TENM4: variants seen among roughly 807,000 people sequenced by gnomAD.
The protein encoded by TENM4 is teneurin transmembrane protein 4.
A neutral mutation model predicts 243.3 loss-of-function variants in TENM4; 82 were observed. The observed-to-expected ratio is 0.34, with a 90% confidence interval of 0.28 to 0.40. The LOEUF (loss-of-function observed/expected upper bound fraction) is 0.40, where lower values mean the gene tolerates loss of function less well. Among genes scored for constraint, TENM4 ranks in the 10% least tolerant of loss-of-function variants. The pLI is 1.00. For synonymous variants in TENM4, 1,412 were observed against 1,456.3 expected (o/e 0.97, Z 0.69); for missense variants, 3,138 against 3,673.3 (o/e 0.85, Z 3.77).
intron 2 of TENM4, among the ~76,000 whole-genome samples, chr11:79,246,761 A>G (rs1855523336): frequency 1.3e-5 from 2 of 152,114 alleles, no homozygotes; most frequent in Non-Finnish European, 2.9e-5. Context: ...CAATAAAGGA[A>G]AGGAATGATG....
chr11:79,209,048 C>A (rs149945968), intron 3 of TENM4, among the ~76,000 whole-genome samples: 11 of 152,122 alleles, frequency 7.2e-5, no homozygotes, highest in Non-Finnish European at 1.5e-4. Context: ...CAACAGGAAG[C>A]GAGCCCAATG....
At chr11:79,140,912 G>T (rs1862273841) in intron 4 of TENM4, among the ~76,000 whole-genome samples, 1 of 152,012 alleles carries the variant, frequency 6.6e-6, no homozygotes, top group Non-Finnish European at 1.5e-5. Flanking sequence ...TGGACCTGGA[G>T]CCAGGTCCCT....
chr11:78,732,226 G>A, intron 21 of TENM4, 90 bp downstream of exon 21: 2 of 1,505,436 alleles, frequency 1.3e-6, no homozygotes, highest in Non-Finnish European at 1.8e-6. Context: ...CTACAGAGGT[G>A]TTTTTTCTCT....
At chr11:79,200,348 T>C (rs2135188437) in intron 3 of TENM4, among the ~76,000 whole-genome samples, 1 of 152,326 alleles carries the variant, frequency 6.6e-6, no homozygotes, top group African/African-American at 2.4e-5. Flanking sequence ...CACCCAGGTT[T>C]ATCTCCTTCT....
At chr11:79,378,297 C>T (rs985383208) in intron 1 of TENM4, among the ~76,000 whole-genome samples, 14 of 152,174 alleles carry the variant, frequency 9.2e-5, no homozygotes, top group African/African-American at 3.1e-4. Flanking sequence ...GCCTGGGGCC[C>T]TTCTCTGGCT....
chr11:79,391,851 C>T (rs1319776480), intron 1 of TENM4, among the ~76,000 whole-genome samples: 1 of 152,190 alleles, frequency 6.6e-6, no homozygotes, highest in East Asian at 1.9e-4. Flanking sequence ...GGACTGTGGA[C>T]ATGCATTTAT....
chr11:79,409,701 C>A (rs886259494), intron 1 of TENM4, among the ~76,000 whole-genome samples: 3 of 152,202 alleles, frequency 2.0e-5, no homozygotes. Context: ...CCTCCATAGA[C>A]TGCTTCCACT....
chr11:78,704,572 G>A (rs1025135744), intron 27 of TENM4, among the ~76,000 whole-genome samples: 1 of 152,292 alleles, frequency 6.6e-6, no homozygotes, highest in African/African-American at 2.4e-5. Flanking sequence ...TGTTTGCTAT[G>A]TATTAAGTAG....
chr11:79,367,313 G>A (rs1468495319), intron 1 of TENM4, among the ~76,000 whole-genome samples: 1 of 152,124 alleles, frequency 6.6e-6, no homozygotes, highest in East Asian at 1.9e-4. Flanking sequence ...TAGAATCCCC[G>A]ATACTCTCAT....
At chr11:79,104,087 TG>T (rs1226711887) in intron 4 of TENM4, among the ~76,000 whole-genome samples, 1 of 152,142 alleles carries the variant, frequency 6.6e-6, no homozygotes. Context: ...CTCTAAAGAG[TG>T]GTCTTCCCTT....
intron 4 of TENM4, among the ~76,000 whole-genome samples, chr11:79,146,516 G>A (rs897737872): frequency 1.3e-5 from 2 of 152,038 alleles, no homozygotes; most frequent in Non-Finnish European, 2.9e-5. Flanking sequence ...TAGAGGGTAC[G>A]TTTTCCTACA....
chr11:78,693,553 G>A (rs563774853), intron 28 of TENM4, among the ~76,000 whole-genome samples: 1 of 152,288 alleles, frequency 6.6e-6, no homozygotes, highest in East Asian at 1.9e-4. Context: ...TTTTCAGGAC[G>A]CTTTGCTTGC....
intron 16 of TENM4, among the ~76,000 whole-genome samples, chr11:78,781,332 C>T (rs1395129390): frequency 6.6e-6 from 1 of 152,148 alleles, no homozygotes; most frequent in Non-Finnish European, 1.5e-5. Flanking sequence ...TGGCAGTAGG[C>T]ATCTTTTCTC....
chr11:78,782,345 C>T (rs761655868), intron 16 of TENM4, among the ~76,000 whole-genome samples: 16 of 152,132 alleles, frequency 1.1e-4, no homozygotes, highest in Non-Finnish European at 1.5e-4. Flanking sequence ...TGCCTGTAAT[C>T]CCAGTACTTT....
chr11:79,013,678 AC>A (rs746850278), intron 6 of TENM4, among the ~76,000 whole-genome samples: 21 of 152,214 alleles, frequency 1.4e-4, no homozygotes, highest in Non-Finnish European at 2.4e-4. Flanking sequence ...GGTTATGATC[AC>A]CCAAGGGTGC....
intron 6 of TENM4, among the ~76,000 whole-genome samples, chr11:78,923,024 G>C (rs774652609): frequency 6.6e-5 from 10 of 152,106 alleles, no homozygotes; most frequent in Non-Finnish European, 1.0e-4. Flanking sequence ...GCCAGGTATT[G>C]AATCAAGCAC....
chr11:78,945,639 C>T (rs1043398859), intron 6 of TENM4, among the ~76,000 whole-genome samples: 1 of 152,178 alleles, frequency 6.6e-6, no homozygotes, highest in Non-Finnish European at 1.5e-5. Context: ...AGGCTGAAGG[C>T]TAGGTCTCTT....
chr11:79,299,675 G>A (rs1033822775), intron 1 of TENM4, among the ~76,000 whole-genome samples: 5 of 152,144 alleles, frequency 3.3e-5, no homozygotes, highest in African/African-American at 1.2e-4. Context: ...AAATAGAAAA[G>A]GCTGATAACC....
chr11:78,986,123 G>A (rs921109445), intron 6 of TENM4, among the ~76,000 whole-genome samples: 1 of 152,174 alleles, frequency 6.6e-6, no homozygotes, highest in Non-Finnish European at 1.5e-5. Flanking sequence ...GAGAAGCAGG[G>A]ATGCTGGGGT....
Sources: gnomAD v4.1 joint callset for allele counts (sites outside exome capture counted in the v4.1 genomes callset) on GRCh38, gnomAD v4.1.1 for gene constraint, MANE v1.5 for transcripts, NCBI Gene and HGNC (gene_info 2026-07-23, HGNC 2026-07-21) for gene names.